Variants in DNAAF9 observed in about 807,000 individuals in gnomAD.
DNAAF9 encodes the protein dynein axonemal assembly factor 9, also known as shulin.
A neutral mutation model predicts 167.0 loss-of-function variants in DNAAF9; 90 were observed. The ratio of observed to expected loss-of-function variants is 0.54; its 90% CI spans 0.45 to 0.64. DNAAF9 has a LOEUF of 0.64. DNAAF9 is among the 30% of genes least tolerant of loss of function. DNAAF9 has a pLI of 0.00. For synonymous variants in DNAAF9, 491 were observed against 508.8 expected, an observed-to-expected ratio of 0.96 and a Z score of 0.47; for missense variants, 1,315 against 1,442.2, an observed-to-expected ratio of 0.91 and a Z score of 1.43.
chr20:3,317,658 G>A lies in DNAAF9; in HGVS notation c.1468+631C>T, dbSNP rs547638456. Among the ~76,000 whole-genome samples, 16 of 152,118 alleles carry A rather than the reference G, an allele frequency of 1.1e-4. No individual in the cohort carries two copies. The South Asian group carries it at 2.9e-3, about 28-fold the overall frequency. On this transcript the variant is annotated intron_variant, in intron 17 of 36. Coordinates refer to ENST00000252032, the MANE Select transcript of DNAAF9 (RefSeq NM_001009984.3). Reference sequence around the variant, plus strand: ...GTCACCCAGGCTGGAGTGCAGTGGTGCGACCTCAGCTCAATGCAACCTCCG... The same window carrying A: ...GTCACCCAGGCTGGAGTGCAGTGGTACGACCTCAGCTCAATGCAACCTCCG...
chr20:3,316,788 T>C lies in DNAAF9; in HGVS notation c.1474A>G (p.Thr492Ala), dbSNP rs2069508016. 1.2e-6 allele frequency: 2 copies of C among 1,612,564 alleles called. No individual in the cohort carries two copies. The highest frequency in any genetic ancestry group is 1.3e-5 in the African/African-American group (1 of 74,868). The part of the protein sequence containing the change: ...SQILVKEKDG[T>A]VTTETSSVVL... Reference sequence around the variant, plus strand: ...ACGGAGCTGGTTTCTGTGGTAACAGTGCCATCTGCAGGAACACCACACACA... The same window carrying C: ...ACGGAGCTGGTTTCTGTGGTAACAGCGCCATCTGCAGGAACACCACACACA... The change falls in exon 18 of 37, where the codon ACT becomes GCT. Residue 492 changes from threonine to alanine, a missense_variant. Transcript: ENST00000252032.
At position 3,343,743 on chromosome 20, in the gene DNAAF9, C is replaced by A. The variant is rs2070132212; in HGVS notation, c.790-12G>T. 1 of 1,604,686 alleles carries A rather than the reference C, an allele frequency of 6.2e-7. No individual in the cohort carries two copies. The highest frequency in any genetic ancestry group is 8.5e-7 in the Non-Finnish European group (1 of 1,171,984). On this transcript the variant is annotated splice_polypyrimidine_tract_variant and intron_variant, in intron 8 of 36. Transcript: ENST00000252032. Reference sequence around the variant, plus strand: ...TAACTTCTGAATGGCTAAAAAGAAGCCAACATTGTATATATTAAGAACACA... The same window carrying A: ...TAACTTCTGAATGGCTAAAAAGAAGACAACATTGTATATATTAAGAACACA...
chr20:3,316,815 G>C, intron 17 of DNAAF9, 22 bp from the exon 18 acceptor site: 1 of 1,592,340 alleles, frequency 6.3e-7, no homozygotes, highest in East Asian at 2.2e-5. Flanking sequence ...CCACACACAT[G>C]CCAGTTAATT....
In DNAAF9 at chr20:3,383,052, T is replaced by C. The variant is rs537382289; in HGVS notation, c.84-546A>G. Among the ~76,000 whole-genome samples, 4 of 152,212 alleles carry C rather than the reference T, an allele frequency of 2.6e-5. No individual in the cohort carries two copies. In the South Asian group the frequency reaches 8.3e-4, roughly 32 times the overall value. ...CTTCCATTTCTGTGTAGACCTATTA[T>C]TCCTTCAGCCCTAGGGACAGCCGTT... On this transcript the variant is annotated intron_variant, in intron 1 of 36. Coordinates refer to ENST00000252032, the MANE Select transcript of DNAAF9 (RefSeq NM_001009984.3).
chr20:3,405,791 T>C (rs1488563465), intron 1 of DNAAF9, among the ~76,000 whole-genome samples: 1 of 152,172 alleles, frequency 6.6e-6, no homozygotes, highest in Admixed American at 6.5e-5. Flanking sequence ...CAGACTCAAA[T>C]CCAAATTCCT....
At chr20:3,325,114 C>T in intron 13 of DNAAF9, 146 bp from the exon 14 acceptor site, 1 of 641,626 alleles carries the variant, frequency 1.6e-6, no homozygotes, top group East Asian at 2.6e-5. Flanking sequence ...ACTTGGTAGG[C>T]ATGAATAGAT....
intron 16 of DNAAF9, among the ~76,000 whole-genome samples, chr20:3,319,941 A>G (rs2069584222): frequency 6.6e-6 from 1 of 152,214 alleles, no homozygotes; most frequent in African/African-American, 2.4e-5. Context: ...GTCCCTCTTA[A>G]GTGACAATGG....
intron 7 of DNAAF9, among the ~76,000 whole-genome samples, chr20:3,359,159 C>T (rs2083327582): frequency 6.6e-6 from 1 of 152,156 alleles, no homozygotes; most frequent in Non-Finnish European, 1.5e-5. Flanking sequence ...TTCCTTTAAG[C>T]CATAATCTCA....
At chr20:3,281,053 C>T (rs776369063) in intron 28 of DNAAF9, among the ~76,000 whole-genome samples, 2 of 151,958 alleles carry the variant, frequency 1.3e-5, no homozygotes, top group African/African-American at 2.4e-5. Flanking sequence ...GAGACAGAGT[C>T]TTGCTTGCTC....
chr20:3,404,988 C>T (rs1375075053), intron 1 of DNAAF9, among the ~76,000 whole-genome samples: 1 of 152,018 alleles, frequency 6.6e-6, no homozygotes, highest in Non-Finnish European at 1.5e-5. Context: ...CATTTGCAGC[C>T]CCAACAGCTA....
chr20:3,314,066 G>A (rs1026863539), intron 20 of DNAAF9, among the ~76,000 whole-genome samples: 2 of 152,182 alleles, frequency 1.3e-5, no homozygotes, highest in African/African-American at 2.4e-5. Flanking sequence ...CTTGCATGTT[G>A]GGAGGGCTGC....
chr20:3,280,663 T>C (rs2068750127), intron 28 of DNAAF9, among the ~76,000 whole-genome samples: 1 of 152,008 alleles, frequency 6.6e-6, no homozygotes. Flanking sequence ...TTGCCCAGGT[T>C]GGAGTGCAGT....
chr20:3,393,742 T>C (rs1050804032), intron 1 of DNAAF9, among the ~76,000 whole-genome samples: 3 of 152,210 alleles, frequency 2.0e-5, no homozygotes, highest in African/African-American at 7.2e-5. Context: ...AAGAGGTGCC[T>C]GCATTTTAAA....
intron 30 of DNAAF9, 109 bp downstream of exon 30, chr20:3,270,318 C>T: frequency 9.2e-7 from 1 of 1,084,218 alleles, no homozygotes; most frequent in South Asian, 1.3e-5. Context: ...CAAAAACTGA[C>T]TTCTCCAAAT....
chr20:3,323,955 A>C (rs1568604674), intron 14 of DNAAF9, among the ~76,000 whole-genome samples: 1 of 152,182 alleles, frequency 6.6e-6, no homozygotes, highest in Non-Finnish European at 1.5e-5. Flanking sequence ...AAGCGTTCTC[A>C]AATTCAGGTT....
chr20:3,332,116 T>C (rs2069840592), intron 11 of DNAAF9, among the ~76,000 whole-genome samples, 164 bp downstream of exon 11: 1 of 152,230 alleles, frequency 6.6e-6, no homozygotes, highest in African/African-American at 2.4e-5. Context: ...AGAAACGTGT[T>C]AGACATATCA....
intron 27 of DNAAF9, among the ~76,000 whole-genome samples, chr20:3,285,840 T>C (rs1291546413): frequency 6.8e-6 from 1 of 147,950 alleles, no homozygotes; most frequent in Non-Finnish European, 1.5e-5. Flanking sequence ...ATTACTCGGG[T>C]GTGGTGGCGT....
At chr20:3,382,383 C>T (rs377507715) in intron 2 of DNAAF9, 44 bp downstream of exon 2, 5 of 1,498,474 alleles carry the variant, frequency 3.3e-6, no homozygotes, top group East Asian at 2.3e-5. Flanking sequence ...CAAAAAAAGC[C>T]AAGTTGCCCA....
intron 20 of DNAAF9, among the ~76,000 whole-genome samples, chr20:3,314,810 A>G (rs1163872958): frequency 6.6e-6 from 1 of 152,224 alleles, no homozygotes; most frequent in African/African-American, 2.4e-5. Flanking sequence ...AACTAACCTC[A>G]GGCAGCAACA....
Sources: allele counts gnomAD v4.1 joint callset (sites outside exome capture counted in the v4.1 genomes callset), GRCh38; gene constraint gnomAD v4.1.1; transcripts MANE v1.5; gene names NCBI Gene and HGNC (gene_info 2026-07-23, HGNC 2026-07-21).